NPIPB2: variants seen among roughly 807,000 people sequenced by gnomAD.
NPIPB2 encodes nuclear pore complex-interacting protein family member B2.
A neutral mutation model predicts 30.8 loss-of-function variants in NPIPB2; 27 were observed. The observed-to-expected ratio is 0.88, with a 90% CI of 0.65 to 1.21. NPIPB2 has a LOEUF of 1.21. NPIPB2 is among the 50% of genes most tolerant of loss of function. The pLI, the probability that NPIPB2 is intolerant of heterozygous loss-of-function variation, is 0.00. For missense variants in NPIPB2, 440 were observed against 446.2 expected, an observed-to-expected ratio of 0.99 and a Z score of 0.13; for synonymous variants, 147 against 162.0, an observed-to-expected ratio of 0.91 and a Z score of 0.70.
intron 1 of NPIPB2, chr16:11,964,160 A>C (rs2055175267): frequency 6.6e-6 from 1 of 152,176 alleles, no homozygotes; most frequent in African/African-American, 2.4e-5. Flanking sequence ...GTCTGTTTGC[A>C]ACTTCTGGGA....
At chr16:11,969,945 A>G (rs1287374595) in intron 1 of NPIPB2, among the ~76,000 whole-genome samples, 58 of 3,292 alleles carry the variant, frequency 0.018, no homozygotes, top group African/African-American at 0.035. Flanking sequence ...TGCAACCTCT[A>G]CCTCAAGAGG....
upstream of NPIPB2, among the ~76,000 whole-genome samples, chr16:11,944,690 G>C (rs1280438960): frequency 7.6e-6 from 1 of 131,728 alleles, no homozygotes; most frequent in African/African-American, 2.9e-5. Context: ...TTGAACCTGG[G>C]AGATGGAGTT....
Position 11,941,978 on chromosome 16 carries a change from C to T in NPIPB2, c.63+5G>A. On this transcript the variant is annotated splice_donor_5th_base_variant and intron_variant, in intron 1 of 7. Coordinates refer to ENST00000399147, the Ensembl canonical transcript of NPIPB2. Reference sequence around the variant, plus strand: ...GATGGCAGGATGGCAGGAAGAACCTCATACCCAAGCAGAGTGCCAGGTTTT... The same window carrying T: ...GATGGCAGGATGGCAGGAAGAACCTTATACCCAAGCAGAGTGCCAGGTTTT... 9.2e-7 allele frequency: 1 copy of T among 1,088,914 alleles called. No individual in the cohort carries two copies. The highest frequency in any genetic ancestry group is 1.3e-6 in the Non-Finnish European group (1 of 744,254). 67.5% of individuals were successfully genotyped at this position (1,088,914 alleles called of 1,614,324 possible). A position where few individuals can be genotyped will look rare whatever the true frequency, so the allele number is the denominator to read the frequency against.
At chr16:11,955,266 A>G (rs921428725) in intron 1 of NPIPB2, among the ~76,000 whole-genome samples, 10 of 149,666 alleles carry the variant, frequency 6.7e-5, no homozygotes, top group Admixed American at 1.4e-4. Context: ...AGGCATGAGA[A>G]TCACTTGAAC....
chr16:11,931,686 T>C (rs1466541176), intron 4 of NPIPB2, among the ~76,000 whole-genome samples: 3 of 134,878 alleles, frequency 2.2e-5, no homozygotes, highest in East Asian at 2.4e-4. Context: ...AACCTGACTC[T>C]GGAGGGAAGC....
intron 5 of NPIPB2, among the ~76,000 whole-genome samples, chr16:11,930,202 C>A (rs2054772870): frequency 9.9e-6 from 1 of 101,502 alleles, no homozygotes; most frequent in Non-Finnish European, 2.0e-5. Context: ...CTGGTATGAA[C>A]CGAGTTTCCA....
chr16:11,949,528 A>G (rs1403003415), intron 1 of NPIPB2, among the ~76,000 whole-genome samples: 1 of 152,212 alleles, frequency 6.6e-6, no homozygotes, highest in African/African-American at 2.4e-5. Flanking sequence ...CAGGAATCCG[A>G]GAAGAACCCG....
At chr16:11,952,679 C>G (rs773356463) in intron 1 of NPIPB2, among the ~76,000 whole-genome samples, 1 of 151,638 alleles carries the variant, frequency 6.6e-6, no homozygotes, top group Admixed American at 6.6e-5. Context: ...ATTCTCCTTC[C>G]TCAGCCTCCT....
intron 1 of NPIPB2, chr16:11,965,496 A>G (rs1214041882): frequency 6.2e-7 from 1 of 1,603,998 alleles, no homozygotes; most frequent in South Asian, 1.1e-5. Context: ...GGTGTGAACT[A>G]TTCTGTCTAT....
At chr16:11,957,258 G>T (rs927406040) in intron 1 of NPIPB2, among the ~76,000 whole-genome samples, 1 of 150,360 alleles carries the variant, frequency 6.7e-6, no homozygotes, top group Non-Finnish European at 1.5e-5. Flanking sequence ...TCCGCCTCTT[G>T]GGTTCAAGCG....
intron 1 of NPIPB2, 28 bp downstream of exon 1, chr16:11,941,955 T>C: frequency 2.0e-6 from 2 of 986,924 alleles, no homozygotes; most frequent in East Asian, 5.2e-5. Flanking sequence ...AAACAAATGA[T>C]GGCAGGATGG....
At chr16:11,974,554 G>C (rs2055256245) in intron 1 of NPIPB2, among the ~76,000 whole-genome samples, 2 of 152,002 alleles carry the variant, frequency 1.3e-5, no homozygotes, top group Non-Finnish European at 1.5e-5. Flanking sequence ...ACGTATTATG[G>C]ATCAATTGAG....
At chr16:11,944,209 G>A (rs150018142), upstream of NPIPB2, among the ~76,000 whole-genome samples, 857 of 146,226 alleles carry the variant, frequency 5.9e-3, 12 homozygotes, top group African/African-American at 0.021. Context: ...TTGCTCTGTC[G>A]CCCAGGTTGG....
exon 4 of NPIPB2, chr16:11,933,528 G>T: frequency 6.3e-7 from 1 of 1,596,758 alleles, no homozygotes; most frequent in Non-Finnish European, 8.5e-7. Context: ...GTTTTTTGGC[G>T]GTCTTCCTCT....
chr16:11,960,902 C>G (rs942956556), intron 1 of NPIPB2, among the ~76,000 whole-genome samples: 1 of 150,900 alleles, frequency 6.6e-6, no homozygotes, highest in Admixed American at 6.6e-5. Flanking sequence ...GGTCTCACTC[C>G]GTAGCCCAGA....
chr16:11,971,949 A>G (rs2055238114), intron 1 of NPIPB2, among the ~76,000 whole-genome samples: 1 of 151,812 alleles, frequency 6.6e-6, no homozygotes, highest in Admixed American at 6.6e-5. Context: ...GTTTGAGACC[A>G]GCATCGCCAA....
chr16:11,945,142 C>T (rs897684062), upstream of NPIPB2, among the ~76,000 whole-genome samples: 5 of 151,898 alleles, frequency 3.3e-5, no homozygotes, highest in Non-Finnish European at 7.4e-5. Flanking sequence ...GCCGAGATCA[C>T]GCCATTGCAC....
chr16:11,959,691 A>C (rs1003325701), intron 1 of NPIPB2, among the ~76,000 whole-genome samples: 2 of 152,220 alleles, frequency 1.3e-5, no homozygotes, highest in Admixed American at 6.5e-5. Context: ...CTATTGCCAG[A>C]GACAGTCCAT....
upstream of NPIPB2, among the ~76,000 whole-genome samples, chr16:11,945,064 G>C (rs2054991706): frequency 6.6e-6 from 1 of 151,946 alleles, no homozygotes; most frequent in South Asian, 2.1e-4. Context: ...GAGCATGCCT[G>C]TAATCCCAGC....
Sources: gnomAD v4.1 joint callset for allele counts (sites outside exome capture counted in the v4.1 genomes callset) on GRCh38, gnomAD v4.1.1 for gene constraint, MANE v1.5 for transcripts, NCBI Gene and HGNC (gene_info 2026-07-23, HGNC 2026-07-21) for gene names.